AMOTL1: variants seen among roughly 807,000 people sequenced by gnomAD.
The protein encoded by AMOTL1 is angiomotin like 1.
AMOTL1 carries 45 observed loss-of-function variants against 102.9 expected under a neutral mutation model. The observed-to-expected ratio is 0.44, with a 90% CI of 0.34 to 0.56. The LOEUF is 0.56. AMOTL1 is among the 20% of genes least tolerant of loss of function. The probability of loss-of-function intolerance (pLI) is 0.01; values close to 1 mark genes in which losing one functional copy is unlikely to be tolerated. For synonymous variants in AMOTL1, 481 were observed against 484.7 expected (o/e 0.99, Z 0.10); for missense variants, 1,114 against 1,225.6 (o/e 0.91, Z 1.36).
intron 6 of AMOTL1, among the ~76,000 whole-genome samples, chr11:94,838,984 C>T (rs1333723785): frequency 6.6e-6 from 1 of 152,172 alleles, no homozygotes; most frequent in Non-Finnish European, 1.5e-5. Flanking sequence ...TAAATTCTCA[C>T]CATAAGGATC....
chr11:94,789,929 G>A (rs1416731471), intron 1 of AMOTL1, among the ~76,000 whole-genome samples: 2 of 152,212 alleles, frequency 1.3e-5, no homozygotes, highest in Non-Finnish European at 2.9e-5. Context: ...GTAGCTGGCA[G>A]AAAGCTTTGC....
At chr11:94,755,524 CT>C (rs945835899) in intron 3 of AMOTL1, among the ~76,000 whole-genome samples, 5 of 152,178 alleles carry the variant, frequency 3.3e-5, no homozygotes, top group Non-Finnish European at 7.3e-5. Context: ...ATAACGATTT[CT>C]TTATAGAGAG....
chr11:94,764,118 G>C (rs1467849081), upstream of AMOTL1, among the ~76,000 whole-genome samples: 1 of 152,048 alleles, frequency 6.6e-6, no homozygotes, highest in East Asian at 1.9e-4. Flanking sequence ...GAACTTGCCC[G>C]TTTTTTTCCT....
At chr11:94,725,525 A>G (rs956399021) in intron 1 of AMOTL1, among the ~76,000 whole-genome samples, 2 of 152,184 alleles carry the variant, frequency 1.3e-5, no homozygotes, top group African/African-American at 4.8e-5. Context: ...AAAATAAGAT[A>G]GGATCTTTAC....
At chr11:94,813,985 G>T (rs1362586268) in intron 3 of AMOTL1, among the ~76,000 whole-genome samples, 1 of 152,166 alleles carries the variant, frequency 6.6e-6, no homozygotes, top group East Asian at 1.9e-4. Context: ...AAGAGGAAAC[G>T]CAGCTGTCTC....
chr11:94,817,616 C>T (rs967045486), intron 3 of AMOTL1, among the ~76,000 whole-genome samples: 4 of 151,994 alleles, frequency 2.6e-5, no homozygotes, highest in Non-Finnish European at 4.4e-5. Context: ...TAGAAGTAAC[C>T]CAATTTCCTT....
chr11:94,766,743 C>T (rs930849241), upstream of AMOTL1, among the ~76,000 whole-genome samples: 8 of 152,196 alleles, frequency 5.3e-5, no homozygotes, highest in Admixed American at 1.3e-4. Context: ...CTATACCTGG[C>T]TTTGCTACTA....
intron 1 of AMOTL1, among the ~76,000 whole-genome samples, chr11:94,792,557 G>C (rs892702942): frequency 6.6e-6 from 1 of 152,208 alleles, no homozygotes; most frequent in Non-Finnish European, 1.5e-5. Flanking sequence ...ACGAGTGGAT[G>C]GTACCTGGGC....
chr11:94,712,099 A>G (rs778500796), intron 1 of AMOTL1, among the ~76,000 whole-genome samples: 3 of 152,088 alleles, frequency 2.0e-5, no homozygotes, highest in Non-Finnish European at 2.9e-5. Context: ...CATCCTTACC[A>G]GAATTTGGTG....
At chr11:94,718,775 AT>A (rs1950133219) in intron 1 of AMOTL1, among the ~76,000 whole-genome samples, 1 of 151,816 alleles carries the variant, frequency 6.6e-6, no homozygotes, top group Non-Finnish European at 1.5e-5. Flanking sequence ...ATATAGAAAC[AT>A]TTTTCAATAT....
intron 4 of AMOTL1, among the ~76,000 whole-genome samples, chr11:94,827,297 C>T (rs1255703134): frequency 6.6e-6 from 1 of 152,124 alleles, no homozygotes; most frequent in East Asian, 1.9e-4. Context: ...CGCTAGTTGT[C>T]CTAGACTGGA....
At chr11:94,869,805 A>G (rs1328880053) in intron 12 of AMOTL1, among the ~76,000 whole-genome samples, 2 of 152,208 alleles carry the variant, frequency 1.3e-5, no homozygotes, top group African/African-American at 4.8e-5. Context: ...AGCCAGAATT[A>G]GGCACCAGGT....
chr11:94,860,292 G>A (rs921594537), intron 9 of AMOTL1, among the ~76,000 whole-genome samples: 5 of 152,188 alleles, frequency 3.3e-5, no homozygotes, highest in Non-Finnish European at 7.3e-5. Context: ...TAATCACAAT[G>A]GTAGTGAGTG....
intron 1 of AMOTL1, among the ~76,000 whole-genome samples, chr11:94,707,534 C>T (rs112178594): frequency 2.0e-5 from 3 of 152,158 alleles, no homozygotes; most frequent in African/African-American, 7.2e-5. Flanking sequence ...AACCCTGCCA[C>T]ATATAGTATT....
intron 6 of AMOTL1, among the ~76,000 whole-genome samples, chr11:94,836,740 G>A (rs918928053): frequency 6.7e-6 from 1 of 148,924 alleles, no homozygotes; most frequent in African/African-American, 2.5e-5. Flanking sequence ...TTCTTTTTTT[G>A]CATTCTTTCT....
chr11:94,785,275 A>C (rs1470775372), intron 1 of AMOTL1, among the ~76,000 whole-genome samples: 1 of 152,168 alleles, frequency 6.6e-6, no homozygotes, highest in African/African-American at 2.4e-5. Context: ...ATTAGTTTGC[A>C]TTTATTGAGG....
At chr11:94,857,846 C>T (rs997403719) in intron 8 of AMOTL1, among the ~76,000 whole-genome samples, 26 of 152,054 alleles carry the variant, frequency 1.7e-4, no homozygotes, top group African/African-American at 6.0e-4. Context: ...CATGCTCAGT[C>T]AATACTTGTC....
At chr11:94,771,256 G>T (rs80258660) in intron 1 of AMOTL1, among the ~76,000 whole-genome samples, 4,617 of 44,186 alleles carry the variant, frequency 0.1, 393 homozygotes, top group East Asian at 0.47. Flanking sequence ...TTTTTGGCGG[G>T]GTTGGGGGGG....
intron 2 of AMOTL1, among the ~76,000 whole-genome samples, chr11:94,736,253 A>T (rs1349501037): frequency 6.6e-6 from 1 of 152,128 alleles, no homozygotes; most frequent in African/African-American, 2.4e-5. Context: ...ACATTTATTT[A>T]TGTATGTATG....
Sources: allele counts gnomAD v4.1 joint callset (sites outside exome capture counted in the v4.1 genomes callset), GRCh38; gene constraint gnomAD v4.1.1; transcripts MANE v1.5; gene names NCBI Gene and HGNC (gene_info 2026-07-23, HGNC 2026-07-21).